The following APCDD1L variants were observed in gnomAD, a reference collection of about 807,000 sequenced individuals.
The protein encoded by APCDD1L is APC down-regulated 1 like, also known as protein APCDD1-like.
In APCDD1L, 21 loss-of-function variants were observed where a neutral mutation model predicts 24.2. That is an observed-to-expected ratio of 0.87 (90% confidence interval 0.61 to 1.25). The LOEUF is 1.25. APCDD1L is among the 50% of genes most tolerant of loss of function. The pLI, the probability that APCDD1L is intolerant of heterozygous loss-of-function variation, is 0.00. For missense variants in APCDD1L, 704 were observed against 711.7 expected (o/e 0.99, Z 0.12); for synonymous variants, 321 against 323.6 (o/e 0.99, Z 0.09).
rs1158306010 is a variant in APCDD1L at position 58,461,955 on chromosome 20, C to A, written c.742-401G>T. 3 of 187,628 alleles carry A rather than the reference C, an allele frequency of 1.6e-5. No individual in the cohort carries two copies. The highest frequency in any genetic ancestry group is 6.1e-5 in the Admixed American group (1 of 16,264). The allele number at this position is 187,628 out of a possible 1,614,324, so 11.6% of individuals were successfully genotyped here. ...ACCCCCTGAGACTCTCCTCTCTCTA[C>A]CCCTCACCCCTCATCAAACTGGAAT... On this transcript the variant is annotated intron_variant, in intron 3 of 3. Coordinates refer to ENST00000371149, the MANE Select transcript of APCDD1L (RefSeq NM_153360.3). The surrounding 1 kb of genome is among the most constrained non-coding windows in gnomAD (Gnocchi z 6.0).
At chr20:58,478,967 A>G (rs1425726436) in intron 1 of APCDD1L, among the ~76,000 whole-genome samples, 1 of 152,068 alleles carries the variant, frequency 6.6e-6, no homozygotes, top group African/African-American at 2.4e-5. Flanking sequence ...ATCTGGCCTA[A>G]GAAGCGAATG....
At chr20:58,471,050 T>G (rs1437384792) in intron 1 of APCDD1L, among the ~76,000 whole-genome samples, 1 of 152,166 alleles carries the variant, frequency 6.6e-6, no homozygotes, top group Admixed American at 6.5e-5. Flanking sequence ...CTGAGAATTG[T>G]ACACGTGGAG....
rs1989570057 is a variant in APCDD1L at position 58,460,306 on chromosome 20, TTAA to T, written c.*481_*483del. The T allele has an allele frequency of 6.5e-6, 1 of 153,508 alleles. No homozygotes were observed. Among genetic ancestry groups the T allele is most frequent in the South Asian group, 2.1e-4 (1 of 4,844 alleles). 9.5% of individuals were successfully genotyped at this position (153,508 alleles called of 1,614,324 possible). A position where few individuals can be genotyped will look rare whatever the true frequency, so the allele number is the denominator to read the frequency against. On this transcript the variant is annotated 3_prime_UTR_variant, in exon 4 of 4. Coordinates refer to ENST00000371149, the MANE Select transcript of APCDD1L (RefSeq NM_153360.3). This position sits in a 1 kb window ranked among gnomAD's most constrained non-coding sequence, Gnocchi z 4.2. ...TAGAGATCGTATTGCTAAATTCGAA[TTAA>T]TAATCTTTAAACAACAACCTACAGA... is the stretch of plus-strand genomic sequence containing the variant.
chr20:58,485,143 T>TACACACAC lies in APCDD1L; in HGVS notation c.50-14404_50-14397dup, dbSNP rs3069429. Among the ~76,000 whole-genome samples, 183 of 149,710 alleles carry TACACACAC rather than the reference T, an allele frequency of 1.2e-3. 1 individual carries two copies. The highest frequency in any genetic ancestry group is 3.6e-3 in the African/African-American group (149 of 40,844). On this transcript the variant is annotated intron_variant, in intron 1 of 3. Transcript: ENST00000371149. ...CTGTTAATGGTCATTTAGGTTGTGGTACACACACACACACACACACACACA... is the reference window on the plus strand; with the variant it reads ...CTGTTAATGGTCATTTAGGTTGTGGTACACACACACACACACACACACACACACACACA...
At chr20:58,475,983 A>C (rs1231178141) in intron 1 of APCDD1L, among the ~76,000 whole-genome samples, 1 of 152,154 alleles carries the variant, frequency 6.6e-6, no homozygotes, top group Admixed American at 6.5e-5. Context: ...GTGTGACTTC[A>C]TCCTAACTTG....
intron 1 of APCDD1L, among the ~76,000 whole-genome samples, chr20:58,475,378 G>T (rs1989887352): frequency 1.3e-5 from 2 of 152,290 alleles, no homozygotes; most frequent in South Asian, 4.1e-4. Flanking sequence ...GTTTTAGAGG[G>T]TGTTAAAAGT....
intron 1 of APCDD1L, among the ~76,000 whole-genome samples, chr20:58,493,335 C>A (rs1990260147): frequency 6.6e-6 from 1 of 152,176 alleles, no homozygotes. Context: ...GAGTCATGAG[C>A]CATTAAGAGA....
At chr20:58,477,804 G>A (rs1423620885) in intron 1 of APCDD1L, among the ~76,000 whole-genome samples, 1 of 151,988 alleles carries the variant, frequency 6.6e-6, no homozygotes, top group African/African-American at 2.4e-5. Flanking sequence ...TTTGTTTTTA[G>A]AGATGGGGTC....
chr20:58,462,793 G>A (rs535249477), intron 3 of APCDD1L, among the ~76,000 whole-genome samples: 1 of 149,966 alleles, frequency 6.7e-6, no homozygotes, highest in African/African-American at 2.5e-5. Flanking sequence ...GCAGTGAGCT[G>A]AGATCACACC....
chr20:58,465,904 A>G (rs1989695450), intron 3 of APCDD1L, among the ~76,000 whole-genome samples: 2 of 152,184 alleles, frequency 1.3e-5, no homozygotes, highest in Admixed American at 1.3e-4. Flanking sequence ...AACTGTTTTA[A>G]TAGAACTGGT....
Position 58,497,634 on chromosome 20 carries a change from T to C in APCDD1L, c.49+17025A>G, listed in dbSNP as rs1990350925. Reference sequence around the variant, plus strand: ...CCCCTTTCTATGAGGATACTAGTCATGCTGGATGAGGGCCCACCTGAATGG... The same window carrying C: ...CCCCTTTCTATGAGGATACTAGTCACGCTGGATGAGGGCCCACCTGAATGG... On this transcript the variant is annotated intron_variant, in intron 1 of 3. Coordinates refer to ENST00000371149, the MANE Select transcript of APCDD1L (RefSeq NM_153360.3). The surrounding 1 kb of genome is among the most constrained non-coding windows in gnomAD (Gnocchi z 4.3). Among the ~76,000 whole-genome samples, 1 of 152,122 alleles carries C rather than the reference T, an allele frequency of 6.6e-6. No individual in the cohort carries two copies. Among genetic ancestry groups the C allele is most frequent in the South Asian group, 2.1e-4 (1 of 4,824 alleles).
chr20:58,487,024 G>C (rs544350951), intron 1 of APCDD1L, among the ~76,000 whole-genome samples: 1 of 151,990 alleles, frequency 6.6e-6, no homozygotes, highest in African/African-American at 2.4e-5. Flanking sequence ...ACCACGCCTG[G>C]CTAATTTTTG....
chr20:58,506,301 C>T (rs1397922595), intron 1 of APCDD1L, among the ~76,000 whole-genome samples: 1 of 152,194 alleles, frequency 6.6e-6, no homozygotes, highest in Non-Finnish European at 1.5e-5. Context: ...ATTTCTGTCT[C>T]TTTCTCTCCA....
chr20:58,513,681 C>T, intron 1 of APCDD1L: 1 of 397,844 alleles, frequency 2.5e-6, no homozygotes. Context: ...GAGCTCAGTG[C>T]CAGGCAGCAA....
intron 1 of APCDD1L, among the ~76,000 whole-genome samples, chr20:58,506,261 C>T (rs1990526497): frequency 6.6e-6 from 1 of 152,106 alleles, no homozygotes; most frequent in Admixed American, 6.5e-5. Flanking sequence ...TTCTGTATAC[C>T]CCCATCTTCC....
chr20:58,513,588 C>T (rs939394357), intron 1 of APCDD1L, among the ~76,000 whole-genome samples: 7 of 152,170 alleles, frequency 4.6e-5, no homozygotes, highest in Admixed American at 1.3e-4. Context: ...TTGCTCCTTG[C>T]CTATACATGG....
At chr20:58,479,113 C>T (rs1989974285) in intron 1 of APCDD1L, among the ~76,000 whole-genome samples, 1 of 152,114 alleles carries the variant, frequency 6.6e-6, no homozygotes, top group African/African-American at 2.4e-5. Context: ...TAAATGTCAG[C>T]CCTGCATGTG....
chr20:58,480,537 T>A (rs571879685), intron 1 of APCDD1L, among the ~76,000 whole-genome samples: 5 of 152,298 alleles, frequency 3.3e-5, no homozygotes, highest in African/African-American at 1.2e-4. Context: ...GCTTCATGTT[T>A]GTGTGACATG....
Position 58,494,960 on chromosome 20 carries a change from C to G in APCDD1L, c.49+19699G>C, listed in dbSNP as rs902360036. 6.6e-6 allele frequency among the ~76,000 whole-genome samples: 1 copy of G among 152,174 alleles called. No homozygotes were observed. Among genetic ancestry groups the G allele is most frequent in the Non-Finnish European group, 1.5e-5 (1 of 68,034 alleles). On this transcript the variant is annotated intron_variant, in intron 1 of 3. Coordinates refer to ENST00000371149, the MANE Select transcript of APCDD1L (RefSeq NM_153360.3). The surrounding 1 kb of genome is among the most constrained non-coding windows in gnomAD (Gnocchi z 4.8). ...AAGCGTCTCCTCTTCAGTGAGAACA[C>G]CCCCATGACCTTGTCTCAAGGTGGG...
Sources: allele counts gnomAD v4.1 joint callset (sites outside exome capture counted in the v4.1 genomes callset), GRCh38; gene constraint gnomAD v4.1.1; non-coding constraint Gnocchi (gnomAD v3.1); transcripts MANE v1.5; gene names NCBI Gene and HGNC (gene_info 2026-07-23, HGNC 2026-07-21).